The following MYCBP2 variants were observed in gnomAD, a reference collection of about 807,000 sequenced individuals.
MYCBP2 encodes the protein E3 ubiquitin-protein ligase MYCBP2.
A neutral mutation model predicts 525.3 loss-of-function variants in MYCBP2; 120 were observed. The observed-to-expected ratio is 0.23, with a 90% CI of 0.20 to 0.27. The LOEUF is 0.27. Among genes scored for constraint, MYCBP2 ranks in the 10% least tolerant of loss-of-function variants. The pLI is 1.00. For missense variants in MYCBP2, 4,149 were observed against 5,657.1 expected, an observed-to-expected ratio of 0.73 and a Z score of 8.55; for synonymous variants, 1,894 against 1,955.8, an observed-to-expected ratio of 0.97 and a Z score of 0.83.
intron 52 of MYCBP2, among the ~76,000 whole-genome samples, chr13:77,131,299 T>C (rs2095824649): frequency 6.6e-6 from 1 of 152,120 alleles, no homozygotes; most frequent in African/African-American, 2.4e-5. Flanking sequence ...GGAGGATTGC[T>C]TGAATCCAGG....
chr13:77,281,512 C>T (rs746743484), intron 3 of MYCBP2, among the ~76,000 whole-genome samples: 1 of 152,098 alleles, frequency 6.6e-6, no homozygotes, highest in African/African-American at 2.4e-5. Context: ...CATGCTTTCG[C>T]ACTTCTCTTC....
chr13:77,191,373 C>T (rs893698772), intron 28 of MYCBP2, among the ~76,000 whole-genome samples: 5 of 152,110 alleles, frequency 3.3e-5, no homozygotes, highest in African/African-American at 1.2e-4. Flanking sequence ...TTCCAAACTC[C>T]TCATTTTCCT....
At chr13:77,294,116 A>ATATATATATATG (rs1555465659) in intron 2 of MYCBP2, among the ~76,000 whole-genome samples, 1 of 57,466 alleles carries the variant, frequency 1.7e-5, no homozygotes, top group South Asian at 5.0e-4. Context: ...ATATATATAT[A>ATATATATATATG]TATATATATA....
At chr13:77,063,773 A>G (rs1231787604) in intron 73 of MYCBP2, among the ~76,000 whole-genome samples, 2 of 152,164 alleles carry the variant, frequency 1.3e-5, no homozygotes, top group Non-Finnish European at 2.9e-5. Flanking sequence ...AAAAATAGAA[A>G]AAGAAATAAT....
At chr13:77,236,418 T>C (rs2067939616) in intron 17 of MYCBP2, among the ~76,000 whole-genome samples, 1 of 152,138 alleles carries the variant, frequency 6.6e-6, no homozygotes, top group African/African-American at 2.4e-5. Context: ...CAGAAAGCTC[T>C]TGGTGATATA....
chr13:77,065,901 A>T, intron 72 of MYCBP2, 91 bp downstream of exon 72: 2 of 825,064 alleles, frequency 2.4e-6, no homozygotes, highest in Non-Finnish European at 3.9e-6. Flanking sequence ...AGTTACACTA[A>T]TCTACATCTC....
intron 3 of MYCBP2, among the ~76,000 whole-genome samples, chr13:77,286,552 G>A (rs1223087234): frequency 6.7e-6 from 1 of 150,248 alleles, no homozygotes; most frequent in Non-Finnish European, 1.5e-5. Context: ...AGGAGATCGA[G>A]ACCATCCCGG....
intron 18 of MYCBP2, 147 bp downstream of exon 18, chr13:77,233,009 C>A (rs2067341022): frequency 1.7e-6 from 1 of 584,942 alleles, no homozygotes; most frequent in Non-Finnish European, 3.0e-6. Context: ...AACGGTATCA[C>A]TTTCAGAATG....
intron 28 of MYCBP2, 88 bp downstream of exon 28, chr13:77,191,591 A>AAGTAC: frequency 6.8e-7 from 1 of 1,462,022 alleles, no homozygotes; most frequent in Non-Finnish European, 9.3e-7. Context: ...AAGCTTTTGA[A>AAGTAC]TCCTGCTGAA....
rs746698512 is a variant in MYCBP2, at chr13:77,269,972, T to C, written c.1260+20A>G. The C allele has an allele frequency of 6.9e-6, 11 of 1,589,192 alleles. No homozygotes were observed. The South Asian group carries it at 7.0e-5, about 10-fold the overall frequency. Reference sequence around the variant, plus strand: ...TGTAAAAGATAAGAAAATTTTGGTTTATTGTGGATAGTTTCTTACCTGAGC... The same window carrying C: ...TGTAAAAGATAAGAAAATTTTGGTTCATTGTGGATAGTTTCTTACCTGAGC... On this transcript the variant is annotated intron_variant, in intron 7 of 82. Coordinates refer to ENST00000544440, the MANE Select transcript of MYCBP2 (RefSeq NM_015057.5).
At chr13:77,286,795 T>A (rs1377668893) in intron 3 of MYCBP2, among the ~76,000 whole-genome samples, 44 of 105,152 alleles carry the variant, frequency 4.2e-4, no homozygotes, top group African/African-American at 6.7e-4. Context: ...AAAAAATATA[T>A]ATATATATAT....
intron 49 of MYCBP2, among the ~76,000 whole-genome samples, chr13:77,142,083 A>T (rs184959108): frequency 6.6e-6 from 1 of 152,298 alleles, no homozygotes; most frequent in East Asian, 1.9e-4. Flanking sequence ...ATTAGATAAG[A>T]TGATGAAAAA....
intron 15 of MYCBP2, among the ~76,000 whole-genome samples, chr13:77,250,726 T>C (rs1304351944): frequency 6.6e-6 from 1 of 152,200 alleles, no homozygotes; most frequent in Non-Finnish European, 1.5e-5. Flanking sequence ...AAATGGTACA[T>C]TTAATTTAAA....
At chr13:77,087,332 C>G in intron 62 of MYCBP2, 152 bp downstream of exon 62, 1 of 668,738 alleles carries the variant, frequency 1.5e-6, no homozygotes, top group South Asian at 2.1e-5. Context: ...AAATCCAGGT[C>G]TCATTATTAA....
intron 15 of MYCBP2, among the ~76,000 whole-genome samples, chr13:77,249,698 A>T (rs1222681508): frequency 6.6e-6 from 1 of 152,152 alleles, no homozygotes. Context: ...CCCAGCTAAC[A>T]CTGAATTTTA....
At chr13:77,072,571 C>CA (rs941352937) in intron 68 of MYCBP2, among the ~76,000 whole-genome samples, 3 of 151,706 alleles carry the variant, frequency 2.0e-5, no homozygotes, top group Admixed American at 2.0e-4. Context: ...TTAAAAGAAG[C>CA]AAAAATAGAG....
At chr13:77,256,248 A>G (rs2072169800) in intron 14 of MYCBP2, among the ~76,000 whole-genome samples, 1 of 152,102 alleles carries the variant, frequency 6.6e-6, no homozygotes. Context: ...ATACGCCAGA[A>G]AGATTGCTGC....
chr13:77,163,894 C>T (rs1211590499), intron 43 of MYCBP2, among the ~76,000 whole-genome samples: 1 of 152,214 alleles, frequency 6.6e-6, no homozygotes, highest in Non-Finnish European at 1.5e-5. Context: ...CTCCTCTTCA[C>T]TGACTGTTCC....
chr13:77,263,984 T>C lies in MYCBP2; in HGVS notation c.1376A>G (p.Gln459Arg), dbSNP rs1399388548. 13 of 1,612,408 alleles carry C rather than the reference T, an allele frequency of 8.1e-6. No individual in the cohort carries two copies. ...VMLPDCHTEG[Q>R]NILFTDGEYI... is the part of the protein sequence containing the mutation. ...TTCTCCATCAGTGAATAAAATATTTTGACCTTCAGTGTGGCAATCTGTGCA... is the reference window on the plus strand; with the variant it reads ...TTCTCCATCAGTGAATAAAATATTTCGACCTTCAGTGTGGCAATCTGTGCA... Residue 459 changes from glutamine to arginine, a missense_variant, in exon 9 of 83, where the codon CAA becomes CGA. Gln to Arg is a conservative substitution (Grantham distance 43, BLOSUM62 1). Transcript: ENST00000544440.
Sources: allele counts gnomAD v4.1 joint callset (sites outside exome capture counted in the v4.1 genomes callset), GRCh38; gene constraint gnomAD v4.1.1; transcripts MANE v1.5; gene names NCBI Gene and HGNC (gene_info 2026-07-23, HGNC 2026-07-21).